Variants in RTN4RL2 observed in about 807,000 individuals in gnomAD.
RTN4RL2 encodes reticulon 4 receptor like 2.
RTN4RL2 carries 9 observed loss-of-function variants against 27.8 expected under a neutral mutation model. The ratio of observed to expected loss-of-function variants is 0.32; its 90% CI spans 0.20 to 0.57. The LOEUF is 0.57. RTN4RL2 is among the 20% of genes least tolerant of loss of function. The pLI is 0.90. For synonymous variants in RTN4RL2, 285 were observed against 297.9 expected, an observed-to-expected ratio of 0.96 and a Z score of 0.45; for missense variants, 436 against 596.8, an observed-to-expected ratio of 0.73 and a Z score of 2.81.
rs1943538705 is a variant in RTN4RL2 at position 57,467,981 on chromosome 11, C to T, written c.404C>T (p.Ser135Leu). The T allele has an allele frequency of 1.9e-6, 3 of 1,608,408 alleles. No individual in the cohort carries two copies. Among genetic ancestry groups the T allele is most frequent in the South Asian group, 1.1e-5 (1 of 91,070 alleles). ...DTFQGLERLQ[S>L]LHLYRCQLSS... ...TTCCAGGGCCTGGAGCGGCTGCAGT[C>T]GCTGCATTTGTACCGCTGCCAGCTC... Residue 135 changes from serine to leucine, a missense_variant, in exon 2 of 3, where the codon TCG becomes TTG. This residue lies in a region of RTN4RL2 where 365 missense variants were observed against 530.5 expected (regional missense o/e 0.69). Coordinates refer to ENST00000335099, the MANE Select transcript of RTN4RL2 (RefSeq NM_178570.3). This position sits in a 1 kb window ranked among gnomAD's most constrained non-coding sequence, Gnocchi z 5.5.
rs537138443 is a variant in RTN4RL2 at position 57,476,647 on chromosome 11, G to T, written c.999G>T (p.Gly333=). The T allele has an allele frequency of 1.1e-5, 16 of 1,410,498 alleles. No individual in the cohort carries two copies. The African/African-American group carries it at 2.2e-4, about 20-fold the overall frequency. The allele number at this position is 1,410,498 out of a possible 1,614,324, so 87.4% of individuals were successfully genotyped here. A position where few individuals can be genotyped will look rare whatever the true frequency, so the allele number is the denominator to read the frequency against. The change falls in exon 3 of 3, where the codon GGG becomes GGT. Residue 333 remains glycine, a synonymous_variant. Transcript: ENST00000335099. The surrounding 1 kb of genome is among the most constrained non-coding windows in gnomAD (Gnocchi z 8.2). The part of the protein sequence containing the change: ...RGNSSSNHLY[G]VAEAGAPPAD... ...ACAGCTCCTCCAACCACCTGTACGG[G>T]GTGGCCGAGGCCGGGGCGCCCCCAG...
intron 1 of RTN4RL2, among the ~76,000 whole-genome samples, chr11:57,466,377 G>C (rs1943525345): frequency 6.6e-6 from 1 of 152,216 alleles, no homozygotes; most frequent in African/African-American, 2.4e-5. Flanking sequence ...AGCTGAGGCA[G>C]GAGGATTGCT....
intron 1 of RTN4RL2, among the ~76,000 whole-genome samples, chr11:57,466,173 T>G (rs1014226210): frequency 2.6e-5 from 4 of 151,846 alleles, no homozygotes; most frequent in Non-Finnish European, 5.9e-5. Flanking sequence ...GCTAAATTTT[T>G]TTTTTGTATT....
intron 2 of RTN4RL2, among the ~76,000 whole-genome samples, chr11:57,469,626 A>T (rs559705169): frequency 2.6e-5 from 4 of 152,340 alleles, no homozygotes; most frequent in South Asian, 4.1e-4. Context: ...ATACTATTTT[A>T]AAAAAAGAAA....
chr11:57,469,894 A>G (rs1179186462), intron 2 of RTN4RL2, among the ~76,000 whole-genome samples: 1 of 152,198 alleles, frequency 6.6e-6, no homozygotes, highest in Non-Finnish European at 1.5e-5. Flanking sequence ...ACCTCCAATC[A>G]TAAATCTTTT....
At chr11:57,473,927 G>A (rs1278402056) in intron 2 of RTN4RL2, among the ~76,000 whole-genome samples, 3 of 152,052 alleles carry the variant, frequency 2.0e-5, no homozygotes, top group East Asian at 1.9e-4. Context: ...CTGACCTCCC[G>A]AGGTCCCCCA....
chr11:57,468,485 T>C, intron 2 of RTN4RL2: 1 of 1,309,510 alleles, frequency 7.6e-7, no homozygotes, highest in East Asian at 2.5e-5. Context: ...TACACCCCCA[T>C]GTCTGTCTGC....
intron 2 of RTN4RL2, chr11:57,468,727 C>G: frequency 6.5e-7 from 1 of 1,536,040 alleles, no homozygotes; most frequent in Non-Finnish European, 8.7e-7. Flanking sequence ...AAGCCCACAC[C>G]CCTTCTAGAT....
At position 57,467,504 on chromosome 11, in the gene RTN4RL2, A is replaced by G; in HGVS notation, c.32-105A>G. 4.6e-6 allele frequency: 7 copies of G among 1,509,264 alleles called. No homozygotes were observed. Among genetic ancestry groups the G allele is most frequent in the Non-Finnish European group, 6.2e-6 (7 of 1,136,460 alleles). 93.5% of individuals were successfully genotyped at this position (1,509,264 alleles called of 1,614,324 possible). On this transcript the variant is annotated intron_variant, in intron 1 of 2. Transcript: ENST00000335099. The surrounding 1 kb of genome is among the most constrained non-coding windows in gnomAD (Gnocchi z 5.5). ...GCTGGGATTACAGGTGTGAGCCACC[A>G]TATTCAGCCGGGTCTAGGCCTTTTA...
Position 57,476,122 on chromosome 11 carries a change from G to A in RTN4RL2, c.514-40G>A, listed in dbSNP as rs1052189533. The stretch of plus-strand genomic sequence containing the variant: ...CAGCGGGGTCTGCACCCTACCTCAG[G>A]CCCATTCTCTTCTTCTGTGCCCCAC... On this transcript the variant is annotated intron_variant, in intron 2 of 2. Transcript: ENST00000335099. The surrounding 1 kb of genome is among the most constrained non-coding windows in gnomAD (Gnocchi z 8.2). 1.9e-6 allele frequency: 3 copies of A among 1,567,728 alleles called. No homozygotes were observed. The highest frequency in any genetic ancestry group is 2.7e-5 in the African/African-American group (2 of 73,952).
At chr11:57,471,384 T>C (rs529032851) in intron 2 of RTN4RL2, among the ~76,000 whole-genome samples, 2 of 152,224 alleles carry the variant, frequency 1.3e-5, no homozygotes, top group Admixed American at 6.5e-5. Context: ...CAGGTGGACA[T>C]TGGGGTCTTC....
At chr11:57,472,222 T>C (rs1943567191) in intron 2 of RTN4RL2, among the ~76,000 whole-genome samples, 1 of 151,988 alleles carries the variant, frequency 6.6e-6, no homozygotes, top group Non-Finnish European at 1.5e-5. Context: ...TGTTTTGTTT[T>C]GTTTTTGTTT....
intron 1 of RTN4RL2, among the ~76,000 whole-genome samples, chr11:57,463,691 G>C (rs1943500678): frequency 6.6e-6 from 1 of 152,158 alleles, no homozygotes. Context: ...CCTCGGGAGA[G>C]ACAGGAGGCC....
Position 57,467,572 on chromosome 11 carries a change from A to T in RTN4RL2, c.32-37A>T. ...CCCCCAGCTGGCACTCCTGCCCTGG[A>T]AGCCCACCTAGTAAGTTCTGCTTCC... is the stretch of plus-strand genomic sequence containing the variant. On this transcript the variant is annotated intron_variant, in intron 1 of 2. Coordinates refer to ENST00000335099, the MANE Select transcript of RTN4RL2 (RefSeq NM_178570.3). The surrounding 1 kb of genome is among the most constrained non-coding windows in gnomAD (Gnocchi z 5.5). 6.4e-7 allele frequency: 1 copy of T among 1,562,718 alleles called. No homozygotes were observed. The highest frequency in any genetic ancestry group is 1.2e-5 in the South Asian group (1 of 82,754).
Position 57,476,984 on chromosome 11 carries a change from C to G in RTN4RL2, c.*73C>G. 2 of 1,424,962 alleles carry G rather than the reference C, an allele frequency of 1.4e-6. No individual in the cohort carries two copies. Among genetic ancestry groups the G allele is most frequent in the Admixed American group, 2.4e-5 (1 of 42,480 alleles). 88.3% of individuals were successfully genotyped at this position (1,424,962 alleles called of 1,614,324 possible). On this transcript the variant is annotated 3_prime_UTR_variant, in exon 3 of 3. Transcript: ENST00000335099. This position sits in a 1 kb window ranked among gnomAD's most constrained non-coding sequence, Gnocchi z 8.2. The stretch of plus-strand genomic sequence containing the variant: ...TCCACCCGGGGCTGCGGCTCCGGCC[C>G]CAGTCGCCCCACCTTCCCTGGCCTT...
chr11:57,464,374 G>T (rs1345947344), intron 1 of RTN4RL2, among the ~76,000 whole-genome samples: 1 of 152,188 alleles, frequency 6.6e-6, no homozygotes, highest in Non-Finnish European at 1.5e-5. Flanking sequence ...CTGGGGCAGC[G>T]GTCAGTCCGG....
rs1376389051 is a variant in RTN4RL2 at position 57,476,868 on chromosome 11, G to A, written c.1220G>A (p.Ser407Asn). ...CCTGCGCTCTCGGCCGGGCTCCCCA[G>A]CCCTCTGCTTTGCCTCCTGCTCCTG... ...RGPALSAGLP[S>N]PLLCLLLLVP... Residue 407 changes from serine (S) to asparagine (N), a missense_variant, in exon 3 of 3, where the codon AGC (serine) becomes AAC (asparagine). Physicochemically the swap from Ser to Asn is conservative, Grantham distance 46 (BLOSUM62 1). Around this residue, in one of 3 missense-constraint regions of RTN4RL2, gnomAD observed 11 missense variants for 23.4 expected, o/e 0.47. Coordinates refer to ENST00000335099, the MANE Select transcript of RTN4RL2 (RefSeq NM_178570.3). The surrounding 1 kb of genome is among the most constrained non-coding windows in gnomAD (Gnocchi z 8.2). 2 of 1,577,728 alleles carry A rather than the reference G, an allele frequency of 1.3e-6. No individual in the cohort carries two copies. Among genetic ancestry groups the A allele is most frequent in the Admixed American group, 1.7e-5 (1 of 57,888 alleles).
chr11:57,467,994 C>T lies in RTN4RL2; in HGVS notation c.417C>T (p.Tyr139=), dbSNP rs368838781. The T allele has an allele frequency of 9.5e-5, 152 of 1,605,654 alleles. No homozygotes were observed. The highest frequency in any genetic ancestry group is 1.2e-4 in the Non-Finnish European group (147 of 1,179,982). Residue 139 remains tyrosine (Y), a synonymous_variant, in exon 2 of 3, where the codon TAC becomes TAT. Coordinates refer to ENST00000335099, the MANE Select transcript of RTN4RL2 (RefSeq NM_178570.3). This position sits in a 1 kb window ranked among gnomAD's most constrained non-coding sequence, Gnocchi z 5.5. ...GLERLQSLHL[Y]RCQLSSLPGN... ...AGCGGCTGCAGTCGCTGCATTTGTACCGCTGCCAGCTCAGCAGCCTGCCCG... is the reference window on the plus strand; with the variant it reads ...AGCGGCTGCAGTCGCTGCATTTGTATCGCTGCCAGCTCAGCAGCCTGCCCG...
Position 57,467,672 on chromosome 11 carries a change from C to T in RTN4RL2, c.95C>T (p.Pro32Leu). ...LALPLAAPSC[P>L]MLCTCYSSPP... Reference sequence around the variant, plus strand: ...CTGCCCCTGGCGGCCCCCAGCTGCCCCATGCTCTGCACCTGCTACTCATCC... The same window carrying T: ...CTGCCCCTGGCGGCCCCCAGCTGCCTCATGCTCTGCACCTGCTACTCATCC... Residue 32 changes from proline to leucine, a missense_variant, in exon 2 of 3, where the codon CCC becomes CTC. By Grantham distance (98) the Pro-to-Leu change is moderately conservative (BLOSUM62 -3). This residue lies in a region of RTN4RL2 where 365 missense variants were observed against 530.5 expected (regional missense o/e 0.69). Transcript: ENST00000335099. This position sits in a 1 kb window ranked among gnomAD's most constrained non-coding sequence, Gnocchi z 5.5. The T allele has an allele frequency of 2.5e-6, 4 of 1,611,674 alleles. No individual in the cohort carries two copies. The highest frequency in any genetic ancestry group is 3.4e-6 in the Non-Finnish European group (4 of 1,179,874).
Sources: gnomAD v4.1 joint callset for allele counts (sites outside exome capture counted in the v4.1 genomes callset) on GRCh38, gnomAD v4.1.1 for gene constraint, gnomAD v4.1.1 regional missense constraint, Gnocchi (gnomAD v3.1) non-coding constraint, MANE v1.5 for transcripts, NCBI Gene and HGNC (gene_info 2026-07-23, HGNC 2026-07-21) for gene names.